Variants in SLC6A6 observed in about 807,000 individuals in gnomAD.
The protein encoded by SLC6A6 is solute carrier family 6 member 6.
A neutral mutation model predicts 68.8 loss-of-function variants in SLC6A6; 16 were observed. The observed-to-expected ratio is 0.23, with a 90% CI of 0.16 to 0.35. SLC6A6 has a LOEUF of 0.35. Among genes scored for constraint, SLC6A6 ranks in the 10% least tolerant of loss-of-function variants. SLC6A6 has a pLI of 1.00. For missense variants in SLC6A6, 474 were observed against 802.8 expected (o/e 0.59, Z 4.95); for synonymous variants, 312 against 315.4 (o/e 0.99, Z 0.12).
chr3:14,449,009 G>A (rs566072829), intron 5 of SLC6A6, among the ~76,000 whole-genome samples: 2 of 152,354 alleles, frequency 1.3e-5, no homozygotes, highest in East Asian at 3.9e-4. Flanking sequence ...GAATCATCAC[G>A]AGATGACAGT....
chr3:14,484,348 G>C (rs1034263141), intron 14 of SLC6A6, among the ~76,000 whole-genome samples: 2 of 152,180 alleles, frequency 1.3e-5, no homozygotes, highest in Admixed American at 1.3e-4. Flanking sequence ...GATGCCTTCA[G>C]GAAACTAGGG....
intron 1 of SLC6A6, among the ~76,000 whole-genome samples, chr3:14,415,714 C>G (rs1017039145): frequency 6.6e-6 from 1 of 152,056 alleles, no homozygotes; most frequent in Non-Finnish European, 1.5e-5. Context: ...ACAACAGAAC[C>G]CCCCCGCTCC....
intron 10 of SLC6A6, among the ~76,000 whole-genome samples, chr3:14,474,095 G>A (rs1043667275): frequency 3.9e-5 from 6 of 152,212 alleles, no homozygotes; most frequent in Non-Finnish European, 8.8e-5. Context: ...GCAGTTAGAT[G>A]ACCTGCCAGG....
intron 7 of SLC6A6, 66 bp from the exon 8 acceptor site, chr3:14,467,787 C>A: frequency 1.0e-6 from 1 of 953,562 alleles, no homozygotes; most frequent in Non-Finnish European, 1.6e-6. Context: ...ACCCTCGCTG[C>A]CTCCTCCAGG....
At chr3:14,451,471 A>G (rs1299789192) in intron 5 of SLC6A6, among the ~76,000 whole-genome samples, 1 of 152,256 alleles carries the variant, frequency 6.6e-6, no homozygotes, top group Admixed American at 6.5e-5. Flanking sequence ...TGGTTTGGCT[A>G]GAGCATAGGA....
Position 14,440,535 on chromosome 3 carries a change from G to A in SLC6A6, c.-11-3089G>A, listed in dbSNP as rs183724756. Among the ~76,000 whole-genome samples the A allele has an allele frequency of 8.7e-4, 133 of 152,216 alleles. 1 individual carries two copies. The highest frequency in any genetic ancestry group is 3.1e-3 in the African/African-American group (129 of 41,532). ...TGAGGAGCCTGTGTTTTCTTCTAGG[G>A]GTGAGCAAAGGGTTGGGCGGGGGCA... is the stretch of plus-strand genomic sequence containing the variant. On this transcript the variant is annotated intron_variant, in intron 2 of 14. Coordinates refer to ENST00000622186, the MANE Select transcript of SLC6A6 (RefSeq NM_003043.6).
intron 2 of SLC6A6, among the ~76,000 whole-genome samples, chr3:14,441,450 G>T (rs1306997353): frequency 6.6e-6 from 1 of 152,188 alleles, no homozygotes; most frequent in African/African-American, 2.4e-5. Context: ...AGGGAGCAGG[G>T]CAGAGAAAGG....
chr3:14,462,890 T>C (rs199562083), intron 6 of SLC6A6, among the ~76,000 whole-genome samples: 1 of 148,948 alleles, frequency 6.7e-6, no homozygotes, highest in East Asian at 1.9e-4. Flanking sequence ...GCTCATTTCT[T>C]GTCTCTTTGT....
intron 3 of SLC6A6, 67 bp downstream of exon 3, chr3:14,443,930 A>G: frequency 8.7e-7 from 1 of 1,151,316 alleles, no homozygotes. Context: ...GGAGGCTGGG[A>G]CCAGAGCGTG....
At chr3:14,441,896 C>G (rs1297694856) in intron 2 of SLC6A6, among the ~76,000 whole-genome samples, 1 of 152,268 alleles carries the variant, frequency 6.6e-6, no homozygotes, top group Non-Finnish European at 1.5e-5. Flanking sequence ...GCGCCTGGCT[C>G]TGGGACACAG....
In SLC6A6 at chr3:14,472,230, C is replaced by T; in HGVS notation, c.1122C>T (p.Tyr374=). 1 of 1,613,352 alleles carries T rather than the reference C, an allele frequency of 6.2e-7. No individual in the cohort carries two copies. Among genetic ancestry groups the T allele is most frequent in the Non-Finnish European group, 8.5e-7 (1 of 1,179,288 alleles). ...ESGPGLAFIA[Y]PKAVTMMPLP... The stretch of plus-strand genomic sequence containing the variant: ...GTCCTGGCCTGGCCTTCATTGCCTA[C>T]CCAAAAGCTGTGACAATGATGCCGC... Residue 374 remains tyrosine (Y), a synonymous_variant, in exon 10 of 15, where the codon TAC becomes TAT. Transcript: ENST00000622186. The surrounding 1 kb of genome is among the most constrained non-coding windows in gnomAD (Gnocchi z 4.5).
intron 2 of SLC6A6, among the ~76,000 whole-genome samples, chr3:14,429,705 G>T (rs1409644809): frequency 6.6e-6 from 1 of 152,174 alleles, no homozygotes; most frequent in African/African-American, 2.4e-5. Flanking sequence ...AGTCAGTAGG[G>T]CTGCATGGGC....
At chr3:14,461,963 C>T (rs571887871) in intron 6 of SLC6A6, among the ~76,000 whole-genome samples, 73 of 152,354 alleles carry the variant, frequency 4.8e-4, no homozygotes, top group Middle Eastern at 3.4e-3. Flanking sequence ...TTTCTACTGC[C>T]CAGAGGGGAT....
At position 14,423,249 on chromosome 3, in the gene SLC6A6, C is replaced by T. The variant is rs532861871; in HGVS notation, c.-12+6796C>T. 8.5e-5 allele frequency among the ~76,000 whole-genome samples: 13 copies of T among 152,340 alleles called. No homozygotes were observed. The South Asian group carries it at 1.2e-3, about 15-fold the overall frequency. ...GACGAAGTGCCTCTGGAAGGACAGA[C>T]AGTGTGTCCAGGGGAGGGAGCCCTG... is the stretch of plus-strand genomic sequence containing the variant. On this transcript the variant is annotated intron_variant, in intron 2 of 14. Coordinates refer to ENST00000622186, the MANE Select transcript of SLC6A6 (RefSeq NM_003043.6).
intron 2 of SLC6A6, among the ~76,000 whole-genome samples, chr3:14,443,349 G>A (rs1043953897): frequency 1.3e-5 from 2 of 152,136 alleles, no homozygotes; most frequent in African/African-American, 4.8e-5. Context: ...GGGGGCCTCT[G>A]GTGCTTCTCT....
intron 2 of SLC6A6, among the ~76,000 whole-genome samples, chr3:14,442,676 G>T (rs1387640332): frequency 2.6e-5 from 4 of 152,228 alleles, no homozygotes; most frequent in Non-Finnish European, 4.4e-5. Flanking sequence ...GGCCTGGCTG[G>T]TGGCAGACCT....
At chr3:14,415,320 T>G (rs1559284795) in intron 1 of SLC6A6, among the ~76,000 whole-genome samples, 1 of 152,192 alleles carries the variant, frequency 6.6e-6, no homozygotes, top group Non-Finnish European at 1.5e-5. Context: ...GATCATCTAA[T>G]TTGGGGGACA....
intron 6 of SLC6A6, among the ~76,000 whole-genome samples, chr3:14,464,065 C>G (rs1471140528): frequency 6.6e-6 from 1 of 152,216 alleles, no homozygotes; most frequent in Non-Finnish European, 1.5e-5. Flanking sequence ...CTCTACCCCT[C>G]GACCTAGAGT....
chr3:14,470,715 G>A (rs952855546), intron 9 of SLC6A6, among the ~76,000 whole-genome samples: 22 of 152,122 alleles, frequency 1.4e-4, no homozygotes, highest in South Asian at 4.1e-4. Flanking sequence ...GTGGGGCCCC[G>A]GTCTGGGTGG....
Sources: gnomAD v4.1 joint callset for allele counts (sites outside exome capture counted in the v4.1 genomes callset) on GRCh38, gnomAD v4.1.1 for gene constraint, Gnocchi (gnomAD v3.1) non-coding constraint, MANE v1.5 for transcripts, NCBI Gene and HGNC (gene_info 2026-07-23, HGNC 2026-07-21) for gene names.